Variants in PLPPR1 observed in about 807,000 individuals in gnomAD.
PLPPR1 encodes the protein phospholipid phosphatase related 1.
Under a neutral mutation model 33.1 loss-of-function variants are expected in PLPPR1, and 10 were observed. The observed-to-expected ratio is 0.30, with a 90% confidence interval of 0.19 to 0.51. The LOEUF is 0.51. PLPPR1 is among the 20% of genes least tolerant of loss of function. PLPPR1 has a pLI of 0.97. For synonymous variants in PLPPR1, 151 were observed against 151.0 expected, an observed-to-expected ratio of 1.00 and a Z score of 0.00; for missense variants, 304 against 408.1, an observed-to-expected ratio of 0.74 and a Z score of 2.20.
chr9:101,074,956 C>T (rs1227139484), intron 1 of PLPPR1, among the ~76,000 whole-genome samples: 2 of 152,108 alleles, frequency 1.3e-5, no homozygotes, highest in Non-Finnish European at 2.9e-5. Context: ...TAAGGGAGAT[C>T]ACTTACTGTG....
At chr9:101,088,090 G>A (rs563487111) in intron 1 of PLPPR1, among the ~76,000 whole-genome samples, 1 of 152,282 alleles carries the variant, frequency 6.6e-6, no homozygotes, top group African/African-American at 2.4e-5. Context: ...ATGAAAAGAA[G>A]CATCAAAATT....
At chr9:101,277,552 G>T (rs1828219594) in intron 3 of PLPPR1, among the ~76,000 whole-genome samples, 1 of 152,196 alleles carries the variant, frequency 6.6e-6, no homozygotes, top group Admixed American at 6.5e-5. Flanking sequence ...CCAGTTACAT[G>T]ATTTCAGTTT....
At chr9:101,263,413 T>C (rs1009499567) in intron 2 of PLPPR1, among the ~76,000 whole-genome samples, 5 of 152,208 alleles carry the variant, frequency 3.3e-5, no homozygotes, top group Admixed American at 3.3e-4. Context: ...ATCACCATAT[T>C]TATTTCCTTC....
chr9:101,031,070 G>A (rs1829939076), intron 1 of PLPPR1, among the ~76,000 whole-genome samples: 1 of 152,080 alleles, frequency 6.6e-6, no homozygotes, highest in Non-Finnish European at 1.5e-5. Context: ...CAAATAACTA[G>A]GGAAGTAAAG....
chr9:101,301,522 ATCTTT>A (rs1475497349), intron 4 of PLPPR1, among the ~76,000 whole-genome samples: 2 of 152,216 alleles, frequency 1.3e-5, no homozygotes, highest in Non-Finnish European at 2.9e-5. Context: ...CTTTAATAAA[ATCTTT>A]TCTTATGATT....
Position 101,309,399 on chromosome 9 carries a change from G to T in PLPPR1, c.574G>T (p.Ala192Ser). The change falls in exon 5 of 8, where the codon GCT (alanine) becomes TCT (serine). Residue 192 changes from alanine (A) to serine (S), a missense_variant. Physicochemically the swap from Ala to Ser is moderately conservative, Grantham distance 99. Transcript: ENST00000374874. ...CTGDLEVIEK[A>S]RRSFPSKHAA... ...TGGGGACCTGGAAGTGATAGAAAAG[G>T]CTCGGAGATCCTTTCCCTCCAAACA... 6.2e-7 allele frequency: 1 copy of T among 1,614,040 alleles called. No individual in the cohort carries two copies. The highest frequency in any genetic ancestry group is 8.5e-7 in the Non-Finnish European group (1 of 1,180,004).
intron 1 of PLPPR1, among the ~76,000 whole-genome samples, chr9:101,154,263 T>C (rs1831643024): frequency 6.6e-6 from 1 of 152,206 alleles, no homozygotes. Context: ...TTCTATTGAT[T>C]GGAATAGTTT....
chr9:101,167,204 C>CACACAT lies in PLPPR1; in HGVS notation c.-45-18241_-45-18240insTACACA, dbSNP rs1825873944. Among the ~76,000 whole-genome samples, 5 of 38,656 alleles carry CACACAT rather than the reference C, an allele frequency of 1.3e-4. No individual in the cohort carries two copies. In the South Asian group the frequency reaches 4.5e-3, roughly 35 times the overall value. 25.4% of individuals were successfully genotyped at this position (38,656 alleles called of 152,430 possible). Reference sequence around the variant, plus strand: ...TGTGTCTTTCTCTCTCTCTCTCACACACACACACATACACACACACACACA... The same window carrying CACACAT: ...TGTGTCTTTCTCTCTCTCTCTCACACACACATACACACACATACACACACACACACA... On this transcript the variant is annotated intron_variant, in intron 1 of 7. Transcript: ENST00000374874.
Position 101,136,946 on chromosome 9 carries a change from T to C in PLPPR1, c.-45-48504T>C, listed in dbSNP as rs140097543. On this transcript the variant is annotated intron_variant, in intron 1 of 7. Transcript: ENST00000374874. ...ATTTTATATAATAATTTATTGTACA[T>C]TTTAAAATATAATTTTACATTTTAA... 2.3e-3 allele frequency among the ~76,000 whole-genome samples: 348 copies of C among 152,346 alleles called. 6 individuals are homozygous for C. Among genetic ancestry groups the C allele is most frequent in the Middle Eastern group, 0.014 (4 of 294 alleles).
At chr9:101,037,353 A>G (rs1398863068) in intron 1 of PLPPR1, among the ~76,000 whole-genome samples, 1 of 152,118 alleles carries the variant, frequency 6.6e-6, no homozygotes, top group Non-Finnish European at 1.5e-5. Context: ...AAATGCTTAC[A>G]GACACAGGGT....
intron 2 of PLPPR1, among the ~76,000 whole-genome samples, chr9:101,266,146 GC>G (rs1001533762): frequency 6.6e-6 from 1 of 152,036 alleles, no homozygotes; most frequent in Admixed American, 6.6e-5. Context: ...GACAGGGAAG[GC>G]CGGGCGCGGT....
In PLPPR1 at chr9:101,258,626, TCATCCATGA is replaced by T. The variant is rs537623494; in HGVS notation, c.64-11252_64-11244del. Among the ~76,000 whole-genome samples the T allele has an allele frequency of 4.9e-3, 752 of 152,282 alleles. 3 individuals carry two copies. The highest frequency in any genetic ancestry group is 7.6e-3 in the Non-Finnish European group (520 of 68,016). On this transcript the variant is annotated intron_variant, in intron 2 of 7. Transcript: ENST00000374874. The stretch of plus-strand genomic sequence containing the variant: ...TGAATAAATAAGTAAAATGCACAAG[TCATCCATGA>T]CCTTCTATTCACAGAATTCTCTTGG...
At chr9:101,110,429 C>T (rs992897080) in intron 1 of PLPPR1, among the ~76,000 whole-genome samples, 1 of 152,094 alleles carries the variant, frequency 6.6e-6, no homozygotes, top group African/African-American at 2.4e-5. Flanking sequence ...AGGCATCTAT[C>T]CATTTACCTA....
At chr9:101,054,458 A>G (rs1239325435) in intron 1 of PLPPR1, among the ~76,000 whole-genome samples, 2 of 152,206 alleles carry the variant, frequency 1.3e-5, no homozygotes, top group Non-Finnish European at 2.9e-5. Flanking sequence ...TCTGAAGCAT[A>G]TTGATGACAG....
At chr9:101,303,810 A>C (rs904390847) in intron 4 of PLPPR1, among the ~76,000 whole-genome samples, 2 of 152,188 alleles carry the variant, frequency 1.3e-5, no homozygotes, top group Non-Finnish European at 2.9e-5. Context: ...TCCCCACATG[A>C]AAATGTATAG....
intron 1 of PLPPR1, among the ~76,000 whole-genome samples, chr9:101,059,262 G>A (rs1328642867): frequency 6.6e-6 from 1 of 151,964 alleles, no homozygotes; most frequent in Non-Finnish European, 1.5e-5. Context: ...ACTCAAGAAG[G>A]AGCACTCCAA....
intron 5 of PLPPR1, among the ~76,000 whole-genome samples, chr9:101,312,502 T>C (rs1481228957): frequency 1.3e-5 from 2 of 152,218 alleles, no homozygotes; most frequent in African/African-American, 4.8e-5. Flanking sequence ...AAACTGCATG[T>C]TCTGAATCTA....
chr9:101,162,932 A>G (rs1159347150), intron 1 of PLPPR1, among the ~76,000 whole-genome samples: 1 of 152,168 alleles, frequency 6.6e-6, no homozygotes. Context: ...CTCAAGAATG[A>G]ACTTCTCATA....
chr9:101,263,918 TCTCTCTCCTTCCTC>T (rs1827943251), intron 2 of PLPPR1, among the ~76,000 whole-genome samples: 1 of 152,028 alleles, frequency 6.6e-6, no homozygotes, highest in Non-Finnish European at 1.5e-5. Context: ...TCTTCTTCCT[TCTCTCTCCTTCCTC>T]CACCTCCTTG....
Sources: allele counts gnomAD v4.1 joint callset (sites outside exome capture counted in the v4.1 genomes callset), GRCh38; gene constraint gnomAD v4.1.1; transcripts MANE v1.5; gene names NCBI Gene and HGNC (gene_info 2026-07-23, HGNC 2026-07-21).